Variants in SMAP2 observed in about 807,000 individuals in gnomAD.
SMAP2 encodes stromal membrane-associated protein 2.
In SMAP2, 25 loss-of-function variants were observed where a neutral mutation model predicts 56.4. That is an observed-to-expected ratio of 0.44 (90% CI 0.32 to 0.62). SMAP2 has a LOEUF of 0.62. SMAP2 is among the 20% of genes least tolerant of loss of function. SMAP2 has a pLI of 0.04. For synonymous variants in SMAP2, 157 were observed against 181.7 expected (o/e 0.86, Z 1.09); for missense variants, 388 against 545.6 (o/e 0.71, Z 2.88).
At chr1:40,379,734 G>T (rs767557778) in intron 1 of SMAP2, among the ~76,000 whole-genome samples, 1 of 152,022 alleles carries the variant, frequency 6.6e-6, no homozygotes, top group Non-Finnish European at 1.5e-5. Context: ...GTTTCACCAT[G>T]TTGTCCAGGC....
intron 9 of SMAP2, among the ~76,000 whole-genome samples, chr1:40,421,413 A>C: frequency 6.6e-6 from 1 of 151,058 alleles, no homozygotes; most frequent in Admixed American, 6.6e-5. Flanking sequence ...GTTTTCTCCC[A>C]GCTCCTTCCC....
intron 1 of SMAP2, among the ~76,000 whole-genome samples, chr1:40,382,580 C>A (rs757831635): frequency 6.6e-6 from 1 of 152,158 alleles, no homozygotes; most frequent in Non-Finnish European, 1.5e-5. Flanking sequence ...TGAAGAAGTT[C>A]TGTATTGGCC....
At chr1:40,420,445 A>C (rs1645031395) in intron 9 of SMAP2, among the ~76,000 whole-genome samples, 1 of 152,228 alleles carries the variant, frequency 6.6e-6, no homozygotes, top group East Asian at 1.9e-4. Context: ...AAAACAAAAC[A>C]AAACCATGAG....
chr1:40,361,368 T>C (rs1644459214), intron 1 of SMAP2, among the ~76,000 whole-genome samples: 1 of 152,120 alleles, frequency 6.6e-6, no homozygotes, highest in South Asian at 2.1e-4. Context: ...CCATGGGCCT[T>C]GGGTGAGACT....
intron 1 of SMAP2, among the ~76,000 whole-genome samples, chr1:40,394,454 C>T (rs1237860670): frequency 6.6e-6 from 1 of 152,102 alleles, no homozygotes; most frequent in Non-Finnish European, 1.5e-5. Flanking sequence ...TTTGTAGCAT[C>T]AAGGGACTGG....
Position 40,416,361 on chromosome 1 carries a change from TG to T in SMAP2, c.847+22del. 6.2e-7 allele frequency: 1 copy of T among 1,608,174 alleles called. No individual in the cohort carries two copies. Among genetic ancestry groups the T allele is most frequent in the Non-Finnish European group, 8.5e-7 (1 of 1,177,260 alleles). On this transcript the variant is annotated intron_variant, in intron 8 of 9. Coordinates refer to ENST00000372718, the MANE Select transcript of SMAP2 (RefSeq NM_022733.3). ...CTCAAGGTAGATTTCATGGGTGTCA[TG>T]GCCATGTGCCAGGTAGAGACATGAG... is the stretch of plus-strand genomic sequence containing the variant.
At chr1:40,359,433 C>A (rs1305229770) in intron 1 of SMAP2, among the ~76,000 whole-genome samples, 1 of 152,172 alleles carries the variant, frequency 6.6e-6, no homozygotes, top group Non-Finnish European at 1.5e-5. Context: ...TTCTTGTATG[C>A]AACAGATCAC....
At chr1:40,352,565 A>T (rs1644413429) in intron 1 of SMAP2, among the ~76,000 whole-genome samples, 3 of 152,010 alleles carry the variant, frequency 2.0e-5, no homozygotes, top group African/African-American at 2.4e-5. Context: ...TAAAGACAGG[A>T]TCTTGCTCTG....
At chr1:40,357,231 G>A (rs75716226) in intron 1 of SMAP2, among the ~76,000 whole-genome samples, 11,804 of 151,948 alleles carry the variant, frequency 0.078, 620 homozygotes, top group East Asian at 0.25. Flanking sequence ...AGAAATTTTG[G>A]ATCACCTGAG....
chr1:40,416,307 G>C lies in SMAP2; in HGVS notation c.813G>C (p.Leu271=). Residue 271 remains leucine (L), a synonymous_variant, in exon 8 of 10, where the codon CTG becomes CTC. Coordinates refer to ENST00000372718, the MANE Select transcript of SMAP2 (RefSeq NM_022733.3). ...TCTCTAAAGACTCCATTCTTTCACTGTATGGATCCCAGACGCCTCAAATGC... is the reference window on the plus strand; with the variant it reads ...TCTCTAAAGACTCCATTCTTTCACTCTATGGATCCCAGACGCCTCAAATGC... ...KQLSKDSILS[L]YGSQTPQMPT... 1.2e-6 allele frequency: 2 copies of C among 1,614,070 alleles called. No homozygotes were observed. Among genetic ancestry groups the C allele is most frequent in the Non-Finnish European group, 1.7e-6 (2 of 1,180,014 alleles).
At chr1:40,359,940 T>G (rs1644452428) in intron 1 of SMAP2, among the ~76,000 whole-genome samples, 1 of 152,014 alleles carries the variant, frequency 6.6e-6, no homozygotes. Context: ...TGGTTTTAAC[T>G]TCGTATTACA....
chr1:40,417,614 A>G (rs2124377127), intron 9 of SMAP2, among the ~76,000 whole-genome samples: 1 of 152,252 alleles, frequency 6.6e-6, no homozygotes, highest in African/African-American at 2.4e-5. Flanking sequence ...CAGGTCTGAG[A>G]TGTGGTAGAT....
intron 2 of SMAP2, among the ~76,000 whole-genome samples, chr1:40,365,523 C>T (rs895309535): frequency 1.3e-5 from 2 of 152,076 alleles, no homozygotes; most frequent in Admixed American, 6.6e-5. Flanking sequence ...TAACTGGATA[C>T]ATTCGGGGAG....
At chr1:40,348,146 A>AT (rs1345984522) in intron 1 of SMAP2, among the ~76,000 whole-genome samples, 4 of 152,260 alleles carry the variant, frequency 2.6e-5, no homozygotes, top group African/African-American at 9.6e-5. Flanking sequence ...AAGAAAAATA[A>AT]TTTTTTAAAA....
intron 1 of SMAP2, among the ~76,000 whole-genome samples, chr1:40,378,601 C>T (rs949820521): frequency 6.6e-6 from 1 of 152,162 alleles, no homozygotes; most frequent in Admixed American, 6.5e-5. Context: ...TGTGACACAC[C>T]ATACCCGGCA....
chr1:40,363,309 T>C (rs892365566), intron 2 of SMAP2, among the ~76,000 whole-genome samples: 1 of 152,024 alleles, frequency 6.6e-6, no homozygotes, highest in Non-Finnish European at 1.5e-5. Flanking sequence ...TAAATCATGG[T>C]GATAGAAACA....
intron 1 of SMAP2, among the ~76,000 whole-genome samples, chr1:40,397,371 T>C (rs1480671293): frequency 2.0e-5 from 3 of 152,194 alleles, no homozygotes; most frequent in Admixed American, 6.5e-5. Context: ...AATTTCTGGA[T>C]ATGCTGCATT....
intron 1 of SMAP2, among the ~76,000 whole-genome samples, chr1:40,353,293 C>T (rs1409894349): frequency 1.3e-5 from 2 of 152,176 alleles, no homozygotes; most frequent in African/African-American, 4.8e-5. Flanking sequence ...CTGTGGTGAC[C>T]ATCTTGTGAC....
chr1:40,356,398 G>GTTTTTTTTT (rs749954980), intron 1 of SMAP2, among the ~76,000 whole-genome samples: 1 of 147,186 alleles, frequency 6.8e-6, no homozygotes, highest in Non-Finnish European at 1.5e-5. Flanking sequence ...TTTTTTGTGG[G>GTTTTTTTTT]TTTTTTGTTT....
Sources: allele counts gnomAD v4.1 joint callset (sites outside exome capture counted in the v4.1 genomes callset), GRCh38; gene constraint gnomAD v4.1.1; transcripts MANE v1.5; gene names NCBI Gene and HGNC (gene_info 2026-07-23, HGNC 2026-07-21).